RGS14: variants seen among roughly 807,000 people sequenced by gnomAD.
RGS14 encodes regulator of G protein signaling 14, also known as regulator of G-protein signaling 14.
Under a neutral mutation model 63.8 loss-of-function variants are expected in RGS14, and 33 were observed. The observed-to-expected ratio is 0.52, with a 90% CI of 0.39 to 0.69. RGS14 has a LOEUF of 0.69. RGS14 is among the 30% of genes least tolerant of loss of function. The pLI, the probability that RGS14 is intolerant of heterozygous loss-of-function variation, is 0.00. For missense variants in RGS14, 739 were observed against 742.9 expected (o/e 0.99, Z 0.06); for synonymous variants, 296 against 320.9 (o/e 0.92, Z 0.83).
At chr5:177,368,526 G>A (rs547351958) in intron 8 of RGS14, among the ~76,000 whole-genome samples, 191 bp from the exon 9 acceptor site, 11 of 152,242 alleles carry the variant, frequency 7.2e-5, no homozygotes, top group Admixed American at 2.6e-4. Flanking sequence ...GGGAATCAGC[G>A]GGTGGACCCG....
chr5:177,365,747 T>G (rs1762075769), intron 1 of RGS14, among the ~76,000 whole-genome samples: 1 of 151,746 alleles, frequency 6.6e-6, no homozygotes, highest in Non-Finnish European at 1.5e-5. Flanking sequence ...CAGGGGCTGC[T>G]GGAAGGTACC....
intron 9 of RGS14, 132 bp from the exon 10 acceptor site, chr5:177,370,459 C>T: frequency 1.3e-6 from 1 of 793,894 alleles, no homozygotes. Flanking sequence ...CCCTACAGCT[C>T]TTCCACCCTC....
rs778757673 is a variant in RGS14 at position 177,371,046 on chromosome 5, C to CGCGGCGGGGCGGGGCGGGGCGGGGCGGG, written c.1254+19_1254+20insCGGGGCGGGGCGGGGCGGGGCGGGGCGG. On this transcript the variant is annotated intron_variant, in intron 11 of 14. Coordinates refer to ENST00000408923, the MANE Select transcript of RGS14 (RefSeq NM_006480.5). The surrounding 1 kb of genome is among the most constrained non-coding windows in gnomAD (Gnocchi z 6.1). ...TGCTGCACCGGGTGAGCTTCCGGGC[C>CGCGGCGGGGCGGGGCGGGGCGGGGCGGG]GCGGGGCGGGGCGGGGCGGGGCCGG... 7.4e-7 allele frequency: 1 copy of CGCGGCGGGGCGGGGCGGGGCGGGGCGGG among 1,357,032 alleles called. No individual in the cohort carries two copies. The highest frequency in any genetic ancestry group is 2.4e-5 in the African/African-American group (1 of 41,692). 84.1% of individuals were successfully genotyped at this position (1,357,032 alleles called of 1,614,324 possible). A position where few individuals can be genotyped will look rare whatever the true frequency, so the allele number is the denominator to read the frequency against.
chr5:177,370,863 G>C (rs1471913921), intron 10 of RGS14, 42 bp from the exon 11 acceptor site: 1 of 1,555,670 alleles, frequency 6.4e-7, no homozygotes, highest in East Asian at 2.3e-5. Context: ...TTTGGCGGGG[G>C]GCCGGCCCTC....
At position 177,372,146 on chromosome 5, in the gene RGS14, T is replaced by C; in HGVS notation, c.*71T>C. 1 of 1,423,316 alleles carries C rather than the reference T, an allele frequency of 7.0e-7. No individual in the cohort carries two copies. Among genetic ancestry groups the C allele is most frequent in the African/African-American group, 1.4e-5 (1 of 71,116 alleles). 88.2% of individuals were successfully genotyped at this position (1,423,316 alleles called of 1,614,324 possible). On this transcript the variant is annotated 3_prime_UTR_variant, in exon 15 of 15. Transcript: ENST00000408923. ...GAGCATGCCATGGGTCCGCTCTGCA[T>C]GCCCTGTCTGTGCCATGAGTGTCCC...
intron 9 of RGS14, 80 bp from the exon 10 acceptor site, chr5:177,370,511 C>A: frequency 2.4e-6 from 3 of 1,261,260 alleles, no homozygotes; most frequent in Non-Finnish European, 3.5e-6. Context: ...CATGGGAGGG[C>A]GTGAAGTTGT....
At chr5:177,368,060 G>C (rs752120952) in intron 7 of RGS14, 97 bp from the exon 8 acceptor site, 34 of 1,530,982 alleles carry the variant, frequency 2.2e-5, no homozygotes, top group Non-Finnish European at 2.9e-5. Context: ...GCCCCTGCAG[G>C]ATGGCTCCAA....
intron 10 of RGS14, 69 bp downstream of exon 10, chr5:177,370,733 T>C (rs1762220102): frequency 2.5e-6 from 4 of 1,573,824 alleles, no homozygotes; most frequent in Non-Finnish European, 3.5e-6. Context: ...TCTAGCTACC[T>C]GGCTCCCCAG....
At chr5:177,370,175 T>G (rs1762202898) in intron 9 of RGS14, among the ~76,000 whole-genome samples, 1 of 152,112 alleles carries the variant, frequency 6.6e-6, no homozygotes, top group Admixed American at 6.5e-5. Flanking sequence ...CAAAGGTGGG[T>G]GGTGAGGGAG....
Position 177,359,568 on chromosome 5 carries a change from C to T in RGS14, c.45+1499C>T, listed in dbSNP as rs550272676. Reference sequence around the variant, plus strand: ...TGTGACTTCTCTACTCAAAAGTCACCTAGAGCAGGGAGGGTGCCCCAAGGT... The same window carrying T: ...TGTGACTTCTCTACTCAAAAGTCACTTAGAGCAGGGAGGGTGCCCCAAGGT... On this transcript the variant is annotated intron_variant, in intron 1 of 14. Coordinates refer to ENST00000408923, the MANE Select transcript of RGS14 (RefSeq NM_006480.5). This position sits in a 1 kb window ranked among gnomAD's most constrained non-coding sequence, Gnocchi z 4.4. Among the ~76,000 whole-genome samples the T allele has an allele frequency of 4.6e-5, 7 of 152,304 alleles. No homozygotes were observed. In the South Asian group the frequency reaches 1.4e-3, roughly 32 times the overall value.
rs1402076486 is a variant in RGS14, at chr5:177,366,327, A to G, written c.218A>G (p.Gln73Arg). 1 of 1,551,018 alleles carries G rather than the reference A, an allele frequency of 6.4e-7. No homozygotes were observed. The highest frequency in any genetic ancestry group is 8.7e-7 in the Non-Finnish European group (1 of 1,147,890). ...GCCCTGTCCTTCGAGCGGCTGTTGC[A>G]GGACCCGCTGGGCCTGGCTTACTTC... ...SWALSFERLL[Q>R]DPLGLAYFTE... is the part of the protein sequence containing the mutation. Residue 73 changes from glutamine (Q) to arginine (R), a missense_variant, in exon 3 of 15, where the codon CAG becomes CGG. Gln to Arg is a conservative substitution (Grantham distance 43, BLOSUM62 1). Coordinates refer to ENST00000408923, the MANE Select transcript of RGS14 (RefSeq NM_006480.5).
chr5:177,368,792 C>T lies in RGS14; in HGVS notation c.925C>T (p.Pro309Ser). The stretch of plus-strand genomic sequence containing the variant: ...AGGGAAGTACTGCTGTGTGTACCTG[C>T]CCGATGGCACAGCCTCCTTGGCCCT... ...RPGKYCCVYLPDGTASLALAR... is the reference protein window; with the variant it reads ...RPGKYCCVYLSDGTASLALAR... Residue 309 changes from proline (P) to serine (S), a missense_variant, in exon 9 of 15, where the codon CCC becomes TCC. Pro to Ser is a moderately conservative substitution (Grantham distance 74). Transcript: ENST00000408923. 1 of 1,614,248 alleles carries T rather than the reference C, an allele frequency of 6.2e-7. No homozygotes were observed. Among genetic ancestry groups the T allele is most frequent in the Non-Finnish European group, 8.5e-7 (1 of 1,180,042 alleles).
In RGS14 at chr5:177,364,345, G is replaced by C. The variant is rs911039095; in HGVS notation, c.46-1618G>C. Among the ~76,000 whole-genome samples the C allele has an allele frequency of 6.6e-6, 1 of 152,180 alleles. No individual in the cohort carries two copies. Among genetic ancestry groups the C allele is most frequent in the South Asian group, 2.1e-4 (1 of 4,832 alleles). On this transcript the variant is annotated intron_variant, in intron 1 of 14. Coordinates refer to ENST00000408923, the MANE Select transcript of RGS14 (RefSeq NM_006480.5). The surrounding 1 kb of genome is among the most constrained non-coding windows in gnomAD (Gnocchi z 4.6). The stretch of plus-strand genomic sequence containing the variant: ...ACTCAAGCCCTGATGTTGGAAGCCC[G>C]GGTGATGGGAAGAAAGATGGGGGCA...
In RGS14 at chr5:177,362,704, G is replaced by A. The variant is rs1761994588; in HGVS notation, c.46-3259G>A. ...GAGGAAAATGGGTGAGGCTGAAGGG[G>A]GTTCATTAGTCAGGCCCAGGTAGGG... On this transcript the variant is annotated intron_variant, in intron 1 of 14. Coordinates refer to ENST00000408923, the MANE Select transcript of RGS14 (RefSeq NM_006480.5). Among the ~76,000 whole-genome samples the A allele has an allele frequency of 2.6e-5, 4 of 152,158 alleles. No homozygotes were observed. The South Asian group carries it at 8.3e-4, about 32-fold the overall frequency.
At chr5:177,370,785 G>GCC (rs1312805979) in intron 10 of RGS14, 120 bp from the exon 11 acceptor site, 1 of 902,728 alleles carries the variant, frequency 1.1e-6, no homozygotes, top group East Asian at 4.2e-5. Flanking sequence ...GACAAACCCC[G>GCC]CCCCCTACAA....
Position 177,368,798 on chromosome 5 carries a change from G to A in RGS14, c.931G>A (p.Gly311Ser). The change falls in exon 9 of 15, where the codon GGC (glycine) becomes AGC (serine). Residue 311 changes from glycine (G) to serine (S), a missense_variant. Coordinates refer to ENST00000408923, the MANE Select transcript of RGS14 (RefSeq NM_006480.5). ...GTACTGCTGTGTGTACCTGCCCGATGGCACAGCCTCCTTGGCCCTGGCCAG... is the reference window on the plus strand; with the variant it reads ...GTACTGCTGTGTGTACCTGCCCGATAGCACAGCCTCCTTGGCCCTGGCCAG... ...GKYCCVYLPDGTASLALARPG... is the reference protein window; with the variant it reads ...GKYCCVYLPDSTASLALARPG... 1 of 1,614,242 alleles carries A rather than the reference G, an allele frequency of 6.2e-7. No homozygotes were observed. The highest frequency in any genetic ancestry group is 8.5e-7 in the Non-Finnish European group (1 of 1,180,040).
intron 1 of RGS14, among the ~76,000 whole-genome samples, chr5:177,363,637 G>A (rs1286161477): frequency 6.6e-6 from 1 of 152,098 alleles, no homozygotes; most frequent in African/African-American, 2.4e-5. Flanking sequence ...TTTACTACAC[G>A]CCCGATAGTG....
chr5:177,358,170 C>T lies in RGS14; in HGVS notation c.45+101C>T, dbSNP rs149747375. 25 of 1,019,020 alleles carry T rather than the reference C, an allele frequency of 2.5e-5. No homozygotes were observed. In the African/African-American group the frequency reaches 3.0e-4, roughly 12 times the overall value. The allele number at this position is 1,019,020 out of a possible 1,614,324, so 63.1% of individuals were successfully genotyped here. On this transcript the variant is annotated intron_variant, in intron 1 of 14. Coordinates refer to ENST00000408923, the MANE Select transcript of RGS14 (RefSeq NM_006480.5). This position sits in a 1 kb window ranked among gnomAD's most constrained non-coding sequence, Gnocchi z 4.8. ...GCAGGGCCAGGCAAGAGCCCACGGG[C>T]TGCCAGCAGGCGAGAGAAGTTGGGT...
At chr5:177,367,248 C>G in intron 5 of RGS14, 166 bp from the exon 6 acceptor site, 1 of 1,100,656 alleles carries the variant, frequency 9.1e-7, no homozygotes, top group Non-Finnish European at 1.3e-6. Context: ...GAGCTCGGGG[C>G]GGGCTTGGAC....
Sources: allele counts gnomAD v4.1 joint callset (sites outside exome capture counted in the v4.1 genomes callset), GRCh38; gene constraint gnomAD v4.1.1; non-coding constraint Gnocchi (gnomAD v3.1); transcripts MANE v1.5; gene names NCBI Gene and HGNC (gene_info 2026-07-23, HGNC 2026-07-21).